The following IPP variants were observed in gnomAD, a reference collection of about 807,000 sequenced individuals.
The protein encoded by IPP is intracisternal A particle-promoted polypeptide, also known as actin-binding protein IPP.
In IPP, 41 loss-of-function variants were observed where a neutral mutation model predicts 64.1. That is an observed-to-expected ratio of 0.64 (90% confidence interval 0.50 to 0.83). The LOEUF is 0.83. Ranked by LOEUF, IPP falls within the 40% of genes least tolerant of loss-of-function variation. IPP has a pLI of 0.00. For missense variants in IPP, 649 were observed against 703.0 expected (o/e 0.92, Z 0.87); for synonymous variants, 214 against 235.2 (o/e 0.91, Z 0.83).
chr1:45,695,306 A>T (rs565545349), downstream of IPP, among the ~76,000 whole-genome samples: 1 of 152,204 alleles, frequency 6.6e-6, no homozygotes, highest in East Asian at 1.9e-4. Context: ...CTGGGACTAC[A>T]GTTGTGCACC....
chr1:45,704,224 G>A (rs528244013), intron 8 of IPP, among the ~76,000 whole-genome samples: 1 of 151,976 alleles, frequency 6.6e-6, no homozygotes, highest in East Asian at 1.9e-4. Context: ...AAATATTGAG[G>A]ATAATGGAAG....
intron 5 of IPP, among the ~76,000 whole-genome samples, chr1:45,725,254 G>A: frequency 7.2e-6 from 1 of 138,534 alleles, no homozygotes. Context: ...CGTCCGGGAG[G>A]TGAGGGGCGC....
intron 8 of IPP, among the ~76,000 whole-genome samples, chr1:45,713,959 C>T (rs1230793595): frequency 6.6e-6 from 1 of 151,742 alleles, no homozygotes; most frequent in East Asian, 1.9e-4. Context: ...AGAGCAAGAC[C>T]CTGTCTCTTA....
At chr1:45,710,196 G>A (rs1645571382) in intron 8 of IPP, among the ~76,000 whole-genome samples, 1 of 99,818 alleles carries the variant, frequency 1.0e-5, no homozygotes, top group Non-Finnish European at 2.1e-5. Context: ...CTGCACTCTA[G>A]CCTGGCGAAA....
chr1:45,742,765 TG>T (rs968990371), intron 2 of IPP, among the ~76,000 whole-genome samples: 1 of 151,994 alleles, frequency 6.6e-6, no homozygotes, highest in African/African-American at 2.4e-5. Flanking sequence ...CTCAAACTCC[TG>T]GGCTCAAGCA....
At position 45,719,042 on chromosome 1, in the gene IPP, G is replaced by C. The variant is rs542905114; in HGVS notation, c.1186+161C>G. On this transcript the variant is annotated intron_variant, in intron 6 of 8. Coordinates refer to ENST00000396478, the MANE Select transcript of IPP (RefSeq NM_005897.3). ...TTTGTAACATAAAGGATAAATACTT[G>C]AGGAGATGGATATCCCATTTTACAA... Among the ~76,000 whole-genome samples, 8 of 152,206 alleles carry C rather than the reference G, an allele frequency of 5.3e-5. No individual in the cohort carries two copies. The East Asian group carries it at 1.5e-3, about 29-fold the overall frequency.
At chr1:45,708,740 A>C (rs1645548681) in intron 8 of IPP, among the ~76,000 whole-genome samples, 1 of 150,386 alleles carries the variant, frequency 6.6e-6, no homozygotes, top group Non-Finnish European at 1.5e-5. Context: ...TCTTTCAAAA[A>C]TGAAGGAGAG....
intron 7 of IPP, among the ~76,000 whole-genome samples, chr1:45,715,509 T>C (rs1405148479): frequency 6.6e-6 from 1 of 151,744 alleles, no homozygotes; most frequent in African/African-American, 2.4e-5. Context: ...GGTGTGGTGG[T>C]GGGCGCCTGT....
intron 8 of IPP, among the ~76,000 whole-genome samples, chr1:45,708,656 G>GCAACAGAGCAAGACTCCATC (rs1645546620): frequency 2.1e-5 from 3 of 143,420 alleles, no homozygotes; most frequent in South Asian, 2.3e-4. Flanking sequence ...TCCAGCCTGG[G>GCAACAGAGCAAGACTCCATC]TGATGAGAGT....
At chr1:45,716,833 C>T in intron 7 of IPP, 62 bp downstream of exon 7, 6 of 1,471,750 alleles carry the variant, frequency 4.1e-6, no homozygotes, top group Admixed American at 4.0e-5. Flanking sequence ...AAAATAAGGC[C>T]TCAAACTCAA....
chr1:45,699,483 T>C lies in IPP; in HGVS notation c.*483A>G. On this transcript the variant is annotated 3_prime_UTR_variant, in exon 9 of 9. Transcript: ENST00000396478. The stretch of plus-strand genomic sequence containing the variant: ...AAGGGACTATTTGCCAGGAAGCTTC[T>C]AGTAAATAATTTCTACAAATTTGTA... The C allele has an allele frequency of 1.0e-6, 1 of 988,544 alleles. No individual in the cohort carries two copies. The highest frequency in any genetic ancestry group is 1.2e-6 in the Non-Finnish European group (1 of 831,636). 61.2% of individuals were successfully genotyped at this position (988,544 alleles called of 1,614,324 possible).
chr1:45,742,256 A>G (rs1228564160), intron 2 of IPP, among the ~76,000 whole-genome samples: 1 of 152,168 alleles, frequency 6.6e-6, no homozygotes, highest in East Asian at 1.9e-4. Flanking sequence ...TTGAAAAACT[A>G]CCTATCAGGT....
At chr1:45,726,380 C>T (rs1309183019) in intron 5 of IPP, among the ~76,000 whole-genome samples, 1 of 152,098 alleles carries the variant, frequency 6.6e-6, no homozygotes, top group Admixed American at 6.5e-5. Flanking sequence ...ATCGCTTGAA[C>T]CCGGGAGGTG....
rs539941168 is a variant in IPP at position 45,716,978 on chromosome 1, C to A, written c.1226G>T (p.Arg409Leu). Residue 409 changes from arginine to leucine, a missense_variant, in exon 7 of 9, where the codon CGA becomes CTA. Arg to Leu is a moderately radical substitution (Grantham distance 102, BLOSUM62 -2). Transcript: ENST00000396478. ...VGAEIGNTIE[R>L]FDPDENKWEV... ...CCATTTATTTTCATCAGGATCAAAT[C>A]GTTCAATGGTGTTCCCTATCTCAGC... is the stretch of plus-strand genomic sequence containing the variant. 1.9e-6 allele frequency: 3 copies of A among 1,612,898 alleles called. No individual in the cohort carries two copies. Among genetic ancestry groups the A allele is most frequent in the African/African-American group, 1.3e-5 (1 of 74,896 alleles).
Position 45,729,097 on chromosome 1 carries a change from G to A in IPP, c.880+517C>T, listed in dbSNP as rs141251925. 5.6e-4 allele frequency among the ~76,000 whole-genome samples: 82 copies of A among 146,326 alleles called. No individual in the cohort carries two copies. The East Asian group carries it at 0.013, about 24-fold the overall frequency. ...GGAGGCAGAGATTGCAGTGATCCGAGATCACGCCACTGCACTCCAGCCTGG... is the reference window on the plus strand; with the variant it reads ...GGAGGCAGAGATTGCAGTGATCCGAAATCACGCCACTGCACTCCAGCCTGG... On this transcript the variant is annotated intron_variant, in intron 4 of 8. Transcript: ENST00000396478.
chr1:45,703,964 A>G (rs1436916956), intron 8 of IPP, among the ~76,000 whole-genome samples: 4 of 152,212 alleles, frequency 2.6e-5, no homozygotes, highest in Non-Finnish European at 2.9e-5. Flanking sequence ...TTGTGAATGA[A>G]TAAATGAGCT....
At chr1:45,722,227 C>T (rs1645742860) in intron 5 of IPP, among the ~76,000 whole-genome samples, 1 of 151,596 alleles carries the variant, frequency 6.6e-6, no homozygotes, top group African/African-American at 2.4e-5. Flanking sequence ...GCCCTCTAGC[C>T]TGGGTGACAG....
intron 5 of IPP, among the ~76,000 whole-genome samples, chr1:45,721,524 C>G (rs774619012): frequency 5.3e-5 from 8 of 152,198 alleles, no homozygotes; most frequent in Non-Finnish European, 1.0e-4. Context: ...GGTGAGGACT[C>G]TGGAAAGCTG....
intron 8 of IPP, among the ~76,000 whole-genome samples, chr1:45,700,589 C>T (rs1277441367): frequency 1.3e-5 from 2 of 152,200 alleles, no homozygotes; most frequent in Non-Finnish European, 2.9e-5. Context: ...TGTCCCACCT[C>T]AGCCTCCCAC....
Sources: allele counts gnomAD v4.1 joint callset (sites outside exome capture counted in the v4.1 genomes callset), GRCh38; gene constraint gnomAD v4.1.1; transcripts MANE v1.5; gene names NCBI Gene and HGNC (gene_info 2026-07-23, HGNC 2026-07-21).